The following TRPM2 variants were observed in gnomAD, a reference collection of about 807,000 sequenced individuals.
The protein encoded by TRPM2 is estrogen-responsive element-associated gene 1 protein.
Under a neutral mutation model 174.0 loss-of-function variants are expected in TRPM2, and 161 were observed. That is an observed-to-expected ratio of 0.93 (90% CI 0.81 to 1.05). The LOEUF (loss-of-function observed/expected upper bound fraction) is 1.05. Ranked by LOEUF, TRPM2 falls within the 50% of genes least tolerant of loss-of-function variation. TRPM2 has a pLI of 0.00. For missense variants in TRPM2, 2,057 were observed against 2,038.0 expected, an observed-to-expected ratio of 1.01 and a Z score of -0.18; for synonymous variants, 954 against 861.3, an observed-to-expected ratio of 1.11 and a Z score of -1.88.
chr21:44,425,361 C>T (rs578121071), intron 24 of TRPM2: 10 of 406,268 alleles, frequency 2.5e-5, no homozygotes, highest in Non-Finnish European at 4.4e-5. Flanking sequence ...TGCTGAGTTT[C>T]GCCGGCCCTC....
chr21:44,353,087 C>A (rs1462178995), upstream of TRPM2, among the ~76,000 whole-genome samples: 2 of 152,238 alleles, frequency 1.3e-5, no homozygotes, highest in Non-Finnish European at 2.9e-5. Flanking sequence ...ACCAGGGAGA[C>A]CGAGGTTGCA....
chr21:44,442,065 T>G lies in TRPM2; in HGVS notation c.*248T>G. 2.3e-6 allele frequency: 1 copy of G among 441,760 alleles called. No individual in the cohort carries two copies. Among genetic ancestry groups the G allele is most frequent in the Non-Finnish European group, 3.7e-6 (1 of 269,848 alleles). The allele number at this position is 441,760 out of a possible 1,614,324, so 27.4% of individuals were successfully genotyped here. ...AGGCTACTCAGAGCTGAGGGGCCCCTGGGACCCTTGGCCATCAGGCGAGGG... is the reference window on the plus strand; with the variant it reads ...AGGCTACTCAGAGCTGAGGGGCCCCGGGGACCCTTGGCCATCAGGCGAGGG... On this transcript the variant is annotated 3_prime_UTR_variant, in exon 32 of 32. Transcript: ENST00000397928.
chr21:44,405,352 G>A (rs774248984), intron 17 of TRPM2, 92 bp downstream of exon 17: 55 of 1,563,088 alleles, frequency 3.5e-5, no homozygotes, highest in Non-Finnish European at 4.5e-5. Flanking sequence ...GCCACACCGG[G>A]TGAGGCTCAG....
intron 30 of TRPM2, among the ~76,000 whole-genome samples, chr21:44,440,216 AAT>A (rs2051444222): frequency 6.8e-6 from 1 of 146,602 alleles, no homozygotes; most frequent in Admixed American, 7.0e-5. Flanking sequence ...GCACACCTGT[AAT>A]CTCAGCTACT....
intron 8 of TRPM2, 109 bp from the exon 9 acceptor site, chr21:44,382,609 G>A (rs1032620505): frequency 9.7e-7 from 1 of 1,028,706 alleles, no homozygotes; most frequent in African/African-American, 1.6e-5. Flanking sequence ...CACAAGCGCA[G>A]GCAGGACCCA....
rs45511196 is a variant in TRPM2 at position 44,399,687 on chromosome 21, A to T, written c.2208+246A>T. Among the ~76,000 whole-genome samples the T allele has an allele frequency of 1.3e-4, 20 of 152,202 alleles. No homozygotes were observed. The highest frequency in any genetic ancestry group is 4.8e-4 in the African/African-American group (20 of 41,544). ...CATGGAGATCGCAATTCACCTCCCC[A>T]TGGATGTTCCTACCTGGGAGCGGCA... is the stretch of plus-strand genomic sequence containing the variant. On this transcript the variant is annotated intron_variant, in intron 14 of 31. Coordinates refer to ENST00000397928, the MANE Select transcript of TRPM2 (RefSeq NM_003307.4). The surrounding 1 kb of genome is among the most constrained non-coding windows in gnomAD (Gnocchi z 4.6).
At position 44,390,921 on chromosome 21, in the gene TRPM2, C is replaced by T; in HGVS notation, c.1336C>T (p.His446Tyr). The T allele has an allele frequency of 6.2e-7, 1 of 1,614,068 alleles. No homozygotes were observed. Residue 446 changes from histidine to tyrosine, a missense_variant, in exon 10 of 32, where the codon CAC becomes TAC. By Grantham distance (83) the His-to-Tyr change is moderately conservative (BLOSUM62 2). Transcript: ENST00000397928. Reference sequence around the variant, plus strand: ...ATCTGCAGCCTCACGGAGCCAAGACCACTTTGGCCACGAGAACTGGGACCA... The same window carrying T: ...ATCTGCAGCCTCACGGAGCCAAGACTACTTTGGCCACGAGAACTGGGACCA... ...ALLKASRSQD[H>Y]FGHENWDHQL... is the part of the protein sequence containing the mutation.
At position 44,405,935 on chromosome 21, in the gene TRPM2, C is replaced by T. The variant is rs17004645; in HGVS notation, c.2688C>T (p.Arg896=). The T allele has an allele frequency of 8.8e-4, 1,419 of 1,606,616 alleles. 11 individuals are homozygous for T. The African/African-American group carries it at 0.017, about 20-fold the overall frequency. The change falls in exon 18 of 32, where the codon CGC becomes CGT. Residue 896 remains arginine, a synonymous_variant. Coordinates refer to ENST00000397928, the MANE Select transcript of TRPM2 (RefSeq NM_003307.4). ...RLIPATLYPG[R]VILSLDFILF... Reference sequence around the variant, plus strand: ...TCCCGGCGACGCTGTACCCCGGGCGCGTCATCCTCTCTCTGGACTTCATCC... The same window carrying T: ...TCCCGGCGACGCTGTACCCCGGGCGTGTCATCCTCTCTCTGGACTTCATCC...
At position 44,410,304 on chromosome 21, in the gene TRPM2, C is replaced by T. The variant is rs1295356062; in HGVS notation, c.2962+3539C>T. Among the ~76,000 whole-genome samples the T allele has an allele frequency of 6.3e-5, 2 of 31,580 alleles. 1 individual carries two copies. The allele number at this position is 31,580 out of a possible 152,430, so 20.7% of individuals were successfully genotyped here. A position where few individuals can be genotyped will look rare whatever the true frequency, so the allele number is the denominator to read the frequency against. ...TTGTAGTAAGTTTTGACTGCACTGT[C>T]TTGGCGTAGCCTTGTAGTAAGTTTT... is the stretch of plus-strand genomic sequence containing the variant. On this transcript the variant is annotated intron_variant, in intron 19 of 31. Transcript: ENST00000397928.
intron 17 of TRPM2, 68 bp downstream of exon 17, chr21:44,405,328 C>G (rs1601169779): frequency 3.1e-6 from 5 of 1,593,664 alleles, no homozygotes; most frequent in Non-Finnish European, 3.4e-6. Flanking sequence ...GAGCACAGGC[C>G]GGGCCCAGAA....
chr21:44,416,026 G>A (rs2050266925), intron 20 of TRPM2: 1 of 152,136 alleles, frequency 6.6e-6, no homozygotes, highest in Non-Finnish European at 1.5e-5. Flanking sequence ...GTTGGCTCTG[G>A]GGGTTCTGTG....
At chr21:44,373,761 CA>C (rs1326408727) in intron 5 of TRPM2, among the ~76,000 whole-genome samples, 1 of 152,182 alleles carries the variant, frequency 6.6e-6, no homozygotes, top group East Asian at 1.9e-4. Flanking sequence ...AGCCAGGCCA[CA>C]ACTTGAACAC....
Position 44,418,547 on chromosome 21 carries a change from CA to C in TRPM2, c.3454del (p.Ser1152AlafsTer16). On this transcript the variant is annotated frameshift_variant, in exon 22 of 32. Transcript: ENST00000397928. LOFTEE classifies it high-confidence loss of function. ...QRPEQKIEDI[S>X]NKVDAMVDLL... Reference sequence around the variant, plus strand: ...GGCCCGAGCAGAAGATCGAGGACATCAGCAATAAGTATGGGGGCTCCGGTGG... The same window carrying C: ...GGCCCGAGCAGAAGATCGAGGACATCGCAATAAGTATGGGGGCTCCGGTGG... 2 of 1,614,058 alleles carry C rather than the reference CA, an allele frequency of 1.2e-6. No homozygotes were observed. Among genetic ancestry groups the C allele is most frequent in the South Asian group, 2.2e-5 (2 of 91,086 alleles).
intron 28 of TRPM2, among the ~76,000 whole-genome samples, chr21:44,435,543 A>G (rs1350759008): frequency 6.8e-6 from 1 of 148,134 alleles, no homozygotes; most frequent in Non-Finnish European, 1.5e-5. Flanking sequence ...CCTAAGTCTC[A>G]CTCCTCCATT....
intron 13 of TRPM2, among the ~76,000 whole-genome samples, chr21:44,398,206 G>GTTTTTTTTTTTTTTTT (rs34051764): frequency 0.016 from 2,268 of 144,034 alleles, 126 homozygotes; most frequent in African/African-American, 0.052. Context: ...TTTGGAGACT[G>GTTTTTTTTTTTTTTTT]TTTTTTTTTT....
intron 5 of TRPM2, among the ~76,000 whole-genome samples, chr21:44,371,294 G>A (rs922934411): frequency 2.2e-5 from 3 of 138,846 alleles, no homozygotes; most frequent in South Asian, 2.5e-4. Context: ...GTCTGCCTCC[G>A]TGTCCCGTGG....
intron 18 of TRPM2, 41 bp from the exon 19 acceptor site, chr21:44,406,553 G>C (rs369470083): frequency 6.3e-7 from 1 of 1,577,676 alleles, no homozygotes; most frequent in East Asian, 2.2e-5. Context: ...GTGAGCATCG[G>C]GGGCCAGGAG....
In TRPM2 at chr21:44,354,114, C is replaced by T. The variant is rs753164269; in HGVS notation, c.165+249C>T. 6.6e-6 allele frequency among the ~76,000 whole-genome samples: 1 copy of T among 152,150 alleles called. No individual in the cohort carries two copies. ...TCACCGGGTTAACTCAAAAATGTTG[C>T]GCTAGAGTCCTGGAAATCTGTTACC... On this transcript the variant is annotated intron_variant, in intron 1 of 31. Transcript: ENST00000397928. The surrounding 1 kb of genome is among the most constrained non-coding windows in gnomAD (Gnocchi z 4.3).
chr21:44,352,011 C>T (rs968324954), upstream of TRPM2, among the ~76,000 whole-genome samples: 2 of 152,232 alleles, frequency 1.3e-5, no homozygotes, highest in African/African-American at 4.8e-5. Flanking sequence ...TGGAGCCATC[C>T]TCATCCCGTG....
Sources: gnomAD v4.1 joint callset for allele counts (sites outside exome capture counted in the v4.1 genomes callset) on GRCh38, gnomAD v4.1.1 for gene constraint, Gnocchi (gnomAD v3.1) non-coding constraint, MANE v1.5 for transcripts, NCBI Gene and HGNC (gene_info 2026-07-23, HGNC 2026-07-21) for gene names.